The following TTC17 variants were observed in gnomAD, a reference collection of about 807,000 sequenced individuals.
TTC17 encodes the protein tetratricopeptide repeat domain 17, also known as tetratricopeptide repeat protein 17.
A neutral mutation model predicts 143.8 loss-of-function variants in TTC17; 58 were observed. The observed-to-expected ratio is 0.40, with a 90% CI of 0.33 to 0.50. TTC17 has a LOEUF of 0.50. Among genes scored for constraint, TTC17 ranks in the 20% least tolerant of loss-of-function variants. The pLI, the probability that TTC17 is intolerant of heterozygous loss-of-function variation, is 0.49. For missense variants in TTC17, 1,273 were observed against 1,392.5 expected (o/e 0.91, Z 1.37); for synonymous variants, 501 against 497.8 (o/e 1.01, Z -0.09).
intron 21 of TTC17, among the ~76,000 whole-genome samples, chr11:43,484,417 G>A (rs761344219): frequency 7.2e-5 from 11 of 152,062 alleles, no homozygotes; most frequent in Non-Finnish European, 1.3e-4. Context: ...CAAGACCTCC[G>A]TGCAGCAAGA....
chr11:43,383,673 ACT>A (rs1300724604), intron 2 of TTC17, among the ~76,000 whole-genome samples: 2 of 152,010 alleles, frequency 1.3e-5, no homozygotes, highest in East Asian at 3.8e-4. Context: ...CCGGCCACAA[ACT>A]CTATTTTTAA....
Position 43,396,715 on chromosome 11 carries a change from T to C in TTC17, c.670T>C (p.Ser224Pro). The C allele has an allele frequency of 6.3e-7, 1 of 1,575,112 alleles. No individual in the cohort carries two copies. Among genetic ancestry groups the C allele is most frequent in the East Asian group, 2.3e-5 (1 of 44,286 alleles). ...TTACTTTTTTAATCTCTAGAACACTTCCTCGTGGGTACTGTATAACATGGC... is the reference window on the plus strand; with the variant it reads ...TTACTTTTTTAATCTCTAGAACACTCCCTCGTGGGTACTGTATAACATGGC... Reference protein sequence around the residue: ...LIHEGLQKNTSSWVLYNMASF... With the variant: ...LIHEGLQKNTPSWVLYNMASF... The change falls in exon 6 of 24, where the codon TCC (serine) becomes CCC (proline). Residue 224 changes from serine to proline, a missense_variant. Ser to Pro is a moderately conservative substitution (Grantham distance 74). This residue lies in a region of TTC17 where 325 missense variants were observed against 444.2 expected (regional missense o/e 0.73). Transcript: ENST00000039989.
intron 16 of TTC17, among the ~76,000 whole-genome samples, chr11:43,429,941 A>G (rs1178614848): frequency 1.3e-5 from 2 of 152,244 alleles, no homozygotes. Flanking sequence ...AAACCGTTAG[A>G]ATATTCCACT....
At chr11:43,425,512 T>G (rs1452238356) in intron 16 of TTC17, among the ~76,000 whole-genome samples, 1 of 152,174 alleles carries the variant, frequency 6.6e-6, no homozygotes, top group African/African-American at 2.4e-5. Context: ...TGTAAACCCC[T>G]TTTCATATTT....
At chr11:43,382,147 G>A (rs1273034803) in intron 2 of TTC17, among the ~76,000 whole-genome samples, 5 of 152,096 alleles carry the variant, frequency 3.3e-5, no homozygotes, top group African/African-American at 1.2e-4. Flanking sequence ...GAAGGGTAAG[G>A]GAAAATCAAT....
intron 2 of TTC17, among the ~76,000 whole-genome samples, chr11:43,380,975 T>A (rs544533828): frequency 2.1e-4 from 32 of 151,832 alleles, no homozygotes; most frequent in South Asian, 6.2e-4. Context: ...CAGAAAAAAA[T>A]TTTTTTTTCA....
At chr11:43,401,669 A>G in intron 10 of TTC17, 111 bp downstream of exon 10, 1 of 734,460 alleles carries the variant, frequency 1.4e-6, no homozygotes, top group Non-Finnish European at 2.2e-6. Context: ...AAAATTTGTG[A>G]TTGTCATTTA....
intron 1 of TTC17, 124 bp downstream of exon 1, chr11:43,359,237 C>T: frequency 2.4e-6 from 3 of 1,240,718 alleles, no homozygotes; most frequent in Non-Finnish European, 3.2e-6. Context: ...AGGGAGGTGG[C>T]ACCGCGACCT....
Position 43,358,933 on chromosome 11 carries a change from G to A in TTC17, c.-22G>A, listed in dbSNP as rs1855970223. The A allele has an allele frequency of 4.5e-6, 7 of 1,559,242 alleles. No homozygotes were observed. The highest frequency in any genetic ancestry group is 1.7e-4 in the Middle Eastern group (1 of 5,788). ...AGACTAGCTTCCGCTTCCGGTGTGA[G>A]CGGCCCGGCCGGGGGGGCAAGATGG... is the stretch of plus-strand genomic sequence containing the variant. On this transcript the variant is annotated 5_prime_UTR_variant, in exon 1 of 24. Coordinates refer to ENST00000039989, the MANE Select transcript of TTC17 (RefSeq NM_018259.6).
chr11:43,455,643 C>A (rs1351229643), intron 21 of TTC17, among the ~76,000 whole-genome samples: 1 of 151,744 alleles, frequency 6.6e-6, no homozygotes, highest in African/African-American at 2.4e-5. Flanking sequence ...AGAAAAAATG[C>A]TGCACTGTAG....
chr11:43,400,166 A>G (rs1857787789), intron 9 of TTC17, 118 bp downstream of exon 9: 1 of 1,135,438 alleles, frequency 8.8e-7, no homozygotes, highest in Non-Finnish European at 1.2e-6. Context: ...TGACTTCCCT[A>G]CATCTCGAAA....
intron 21 of TTC17, among the ~76,000 whole-genome samples, chr11:43,464,471 A>G (rs182030261): frequency 1.0e-3 from 154 of 152,314 alleles, no homozygotes; most frequent in Non-Finnish European, 1.9e-3. Flanking sequence ...CTAAGGAAAA[A>G]GATGAATAAC....
chr11:43,429,846 C>T (rs1188705693), intron 16 of TTC17, among the ~76,000 whole-genome samples: 2 of 152,270 alleles, frequency 1.3e-5, no homozygotes, highest in African/African-American at 4.8e-5. Flanking sequence ...TATCGGAATG[C>T]TTCCTGTAGG....
intron 21 of TTC17, among the ~76,000 whole-genome samples, chr11:43,456,479 A>G (rs1478453843): frequency 6.6e-6 from 1 of 152,222 alleles, no homozygotes; most frequent in East Asian, 1.9e-4. Flanking sequence ...TGTAAAAGTA[A>G]TATTCCAGTT....
At chr11:43,418,766 A>G (rs911599815) in intron 16 of TTC17, among the ~76,000 whole-genome samples, 1 of 152,164 alleles carries the variant, frequency 6.6e-6, no homozygotes, top group African/African-American at 2.4e-5. Context: ...ATATGAGCAA[A>G]ATGATTAAAT....
At chr11:43,475,844 T>G (rs538349780) in intron 21 of TTC17, among the ~76,000 whole-genome samples, 1 of 152,352 alleles carries the variant, frequency 6.6e-6, no homozygotes, top group South Asian at 2.1e-4. Context: ...AGTGTTCTTC[T>G]GAGATTCTAA....
intron 21 of TTC17, among the ~76,000 whole-genome samples, chr11:43,479,908 CAG>C (rs1948254636): frequency 6.6e-6 from 1 of 152,092 alleles, no homozygotes; most frequent in Non-Finnish European, 1.5e-5. Context: ...CAGAAGGGTG[CAG>C]TGAGCCTGGG....
At chr11:43,412,715 T>C (rs898432842) in intron 15 of TTC17, among the ~76,000 whole-genome samples, 1 of 152,034 alleles carries the variant, frequency 6.6e-6, no homozygotes, top group Non-Finnish European at 1.5e-5. Context: ...AGCCAGTAAA[T>C]ATAATAAAAT....
chr11:43,481,266 T>A (rs1948281884), intron 21 of TTC17, among the ~76,000 whole-genome samples: 1 of 152,158 alleles, frequency 6.6e-6, no homozygotes, highest in African/African-American at 2.4e-5. Flanking sequence ...AAATTGCAAA[T>A]CTGTCAACAT....
Sources: gnomAD v4.1 joint callset for allele counts (sites outside exome capture counted in the v4.1 genomes callset) on GRCh38, gnomAD v4.1.1 for gene constraint, gnomAD v4.1.1 regional missense constraint, MANE v1.5 for transcripts, NCBI Gene and HGNC (gene_info 2026-07-23, HGNC 2026-07-21) for gene names.